Variants in MNAT1 observed in about 807,000 individuals in gnomAD.
MNAT1 encodes the protein CDK-activating kinase assembly factor MAT1.
In MNAT1, 43 loss-of-function variants were observed where a neutral mutation model predicts 42.0. The ratio of observed to expected loss-of-function variants is 1.02; its 90% CI spans 0.80 to 1.32. The LOEUF (loss-of-function observed/expected upper bound fraction) is 1.32. Ranked by LOEUF, MNAT1 falls within the 40% of genes most tolerant of loss-of-function variation. The probability of loss-of-function intolerance (pLI) is 0.00; values close to 1 mark genes in which losing one functional copy is unlikely to be tolerated. For synonymous variants in MNAT1, 118 were observed against 120.0 expected (o/e 0.98, Z 0.11); for missense variants, 306 against 350.4 (o/e 0.87, Z 1.01).
chr14:60,898,094 ATTGTGTGTGTGT>A (rs1240951206), intron 7 of MNAT1, among the ~76,000 whole-genome samples: 1 of 113,248 alleles, frequency 8.8e-6, no homozygotes, highest in African/African-American at 3.5e-5. Context: ...ATAGTAATAC[ATTGTGTGTGTGT>A]GTGTGTGTGT....
intron 7 of MNAT1, among the ~76,000 whole-genome samples, chr14:60,930,845 G>A (rs559566864): frequency 6.6e-6 from 1 of 152,130 alleles, no homozygotes; most frequent in Non-Finnish European, 1.5e-5. Context: ...TAAGTATTTT[G>A]AGTAATACTC....
chr14:60,855,674 C>T (rs1313325858), intron 6 of MNAT1, among the ~76,000 whole-genome samples: 1 of 152,134 alleles, frequency 6.6e-6, no homozygotes, highest in African/African-American at 2.4e-5. Context: ...CTGGGTACCT[C>T]AGTTGGAAAT....
intron 7 of MNAT1, among the ~76,000 whole-genome samples, chr14:60,934,845 C>T (rs527483501): frequency 1.3e-5 from 2 of 152,168 alleles, no homozygotes; most frequent in African/African-American, 2.4e-5. Context: ...CAATTTCTCC[C>T]ACATTTAAAT....
chr14:60,962,931 C>T (rs1237627640), intron 7 of MNAT1, among the ~76,000 whole-genome samples: 1 of 152,010 alleles, frequency 6.6e-6, no homozygotes, highest in African/African-American at 2.4e-5. Context: ...ATATGACTGC[C>T]TGTGGAAGTT....
At chr14:60,735,031 C>A in intron 1 of MNAT1, 80 bp downstream of exon 1, 1 of 1,361,250 alleles carries the variant, frequency 7.3e-7, no homozygotes. Context: ...TAGGCCTCGT[C>A]TTGGGAGCAA....
At chr14:60,947,389 A>G (rs1468591721) in intron 7 of MNAT1, among the ~76,000 whole-genome samples, 2 of 152,146 alleles carry the variant, frequency 1.3e-5, no homozygotes, top group Non-Finnish European at 2.9e-5. Context: ...TTTAAAAGGT[A>G]CAATAATTTA....
rs374987567 is a variant in MNAT1 at position 60,869,132 on chromosome 14, G to A, written c.688-10582G>A. Among the ~76,000 whole-genome samples the A allele has an allele frequency of 1.9e-3, 286 of 147,254 alleles. No homozygotes were observed. In the East Asian group the frequency reaches 0.029, roughly 15 times the overall value. ...CGGCTCACTGCAACCTCCACCTCCCGGGTTCAAGCAATTCTCCTGCCTGAG... is the reference window on the plus strand; with the variant it reads ...CGGCTCACTGCAACCTCCACCTCCCAGGTTCAAGCAATTCTCCTGCCTGAG... On this transcript the variant is annotated intron_variant, in intron 6 of 7. Coordinates refer to ENST00000261245, the MANE Select transcript of MNAT1 (RefSeq NM_002431.4).
chr14:60,821,711 GC>G (rs1232815551), intron 6 of MNAT1, among the ~76,000 whole-genome samples: 2 of 152,030 alleles, frequency 1.3e-5, no homozygotes, highest in African/African-American at 2.4e-5. Context: ...TGTAGCTCCT[GC>G]CTTGTATTGC....
chr14:60,949,681 T>C (rs1217157682), intron 7 of MNAT1, among the ~76,000 whole-genome samples: 1 of 152,190 alleles, frequency 6.6e-6, no homozygotes, highest in Non-Finnish European at 1.5e-5. Context: ...AAATGATATT[T>C]AACCAACTAA....
intron 7 of MNAT1, among the ~76,000 whole-genome samples, chr14:60,935,793 C>G (rs2139577338): frequency 6.6e-6 from 1 of 152,110 alleles, no homozygotes; most frequent in Middle Eastern, 3.4e-3. Flanking sequence ...GTTGAAGATG[C>G]AGTATTGGAT....
intron 1 of MNAT1, among the ~76,000 whole-genome samples, chr14:60,792,838 GA>G (rs1235119398): frequency 1.3e-5 from 2 of 152,086 alleles, no homozygotes; most frequent in Non-Finnish European, 2.9e-5. Context: ...TTTGGAAATG[GA>G]TAATGACTGA....
chr14:60,860,587 T>C (rs2034073936), intron 6 of MNAT1, among the ~76,000 whole-genome samples: 1 of 151,978 alleles, frequency 6.6e-6, no homozygotes, highest in African/African-American at 2.4e-5. Flanking sequence ...TCTCCTGACC[T>C]CGTGATCCGC....
chr14:60,916,742 A>G (rs979792437), intron 7 of MNAT1, among the ~76,000 whole-genome samples: 7 of 152,354 alleles, frequency 4.6e-5, no homozygotes, highest in Admixed American at 3.3e-4. Context: ...GCCTGAACTC[A>G]GGAGTTCCAG....
rs138658612 is a variant in MNAT1 at position 60,957,488 on chromosome 14, A to G, written c.810-10741A>G. Among the ~76,000 whole-genome samples, 264 of 152,310 alleles carry G rather than the reference A, an allele frequency of 1.7e-3. 3 individuals carry two copies. Among genetic ancestry groups the G allele is most frequent in the Admixed American group, 0.012 (188 of 15,310 alleles). On this transcript the variant is annotated intron_variant, in intron 7 of 7. Coordinates refer to ENST00000261245, the MANE Select transcript of MNAT1 (RefSeq NM_002431.4). ...ACAGATCTCATGAGACTTACTCACTATCATGAGAACAGCATGGGAAAGATC... is the reference window on the plus strand; with the variant it reads ...ACAGATCTCATGAGACTTACTCACTGTCATGAGAACAGCATGGGAAAGATC...
intron 6 of MNAT1, among the ~76,000 whole-genome samples, chr14:60,835,341 T>G (rs1354229235): frequency 6.6e-6 from 1 of 152,176 alleles, no homozygotes; most frequent in Non-Finnish European, 1.5e-5. Context: ...CTTCATAGTG[T>G]TGATGGTCTT....
At chr14:60,903,610 T>C (rs536293793) in intron 7 of MNAT1, among the ~76,000 whole-genome samples, 1 of 152,322 alleles carries the variant, frequency 6.6e-6, no homozygotes, top group East Asian at 1.9e-4. Context: ...CGATATAGAA[T>C]ATTTGTATAA....
At chr14:60,846,347 CT>C (rs1463144498) in intron 6 of MNAT1, among the ~76,000 whole-genome samples, 1 of 151,916 alleles carries the variant, frequency 6.6e-6, no homozygotes, top group Non-Finnish European at 1.5e-5. Context: ...GTGTGACAGT[CT>C]TGTTGATCTT....
chr14:60,815,107 T>A lies in MNAT1; in HGVS notation c.561+2980T>A, dbSNP rs2032670252. 3.3e-5 allele frequency among the ~76,000 whole-genome samples: 5 copies of A among 152,180 alleles called. No individual in the cohort carries two copies. The South Asian group carries it at 1.0e-3, about 32-fold the overall frequency. ...ATTGAATTAATCCCAAATATAGAAC[T>A]TTGATAGAAAATATGCTTTTAACAT... is the stretch of plus-strand genomic sequence containing the variant. On this transcript the variant is annotated intron_variant, in intron 5 of 7. Coordinates refer to ENST00000261245, the MANE Select transcript of MNAT1 (RefSeq NM_002431.4).
chr14:60,883,501 G>A (rs1379738950), intron 7 of MNAT1, among the ~76,000 whole-genome samples: 1 of 151,960 alleles, frequency 6.6e-6, no homozygotes, highest in African/African-American at 2.4e-5. Context: ...TTGAAGTCAG[G>A]TAATATAATT....
Sources: gnomAD v4.1 joint callset for allele counts (sites outside exome capture counted in the v4.1 genomes callset) on GRCh38, gnomAD v4.1.1 for gene constraint, MANE v1.5 for transcripts, NCBI Gene and HGNC (gene_info 2026-07-23, HGNC 2026-07-21) for gene names.